KYAT3: variants seen among roughly 807,000 people sequenced by gnomAD.
KYAT3 encodes the protein kynurenine aminotransferase 3.
Under a neutral mutation model 59.0 loss-of-function variants are expected in KYAT3, and 50 were observed. The observed-to-expected ratio is 0.85, with a 90% CI of 0.68 to 1.07. KYAT3 has a LOEUF of 1.07. Among genes scored for constraint, KYAT3 ranks in the 50% least tolerant of loss-of-function variants. The probability of loss-of-function intolerance (pLI) is 0.00; values close to 1 mark genes in which losing one functional copy is unlikely to be tolerated. For missense variants in KYAT3, 497 were observed against 533.3 expected (o/e 0.93, Z 0.67); for synonymous variants, 148 against 177.0 (o/e 0.84, Z 1.30).
intron 13 of KYAT3, among the ~76,000 whole-genome samples, chr1:88,937,747 A>G (rs1485794434): frequency 2.6e-5 from 4 of 152,220 alleles, no homozygotes; most frequent in Admixed American, 6.5e-5. Context: ...AATGAAAAGG[A>G]TAGAGTATCA....
intron 2 of KYAT3, chr1:88,982,992 C>G: frequency 3.7e-6 from 6 of 1,613,422 alleles, no homozygotes; most frequent in Non-Finnish European, 5.1e-6. Context: ...CTGTAGGAAC[C>G]TCCACTTGGA....
chr1:88,980,326 C>T (rs959825261), intron 2 of KYAT3: 11 of 152,704 alleles, frequency 7.2e-5, no homozygotes, highest in Admixed American at 2.6e-4. Flanking sequence ...ATTTAAAAAG[C>T]TGCCAGAGTA....
rs1170364197 is a variant in KYAT3 at position 88,943,897 on chromosome 1, G to A, written c.1142-474C>T. On this transcript the variant is annotated intron_variant, in intron 11 of 13. Coordinates refer to ENST00000260508, the MANE Select transcript of KYAT3 (RefSeq NM_001008661.3). ...TCGTATTCCCAACCCCTAGGTCAGT[G>A]TCTAGCACATAAGTGACAAAAAGTA... Among the ~76,000 whole-genome samples, 3 of 152,134 alleles carry A rather than the reference G, an allele frequency of 2.0e-5. No homozygotes were observed. In the East Asian group the frequency reaches 5.8e-4, roughly 29 times the overall value.
At position 88,968,719 on chromosome 1, in the gene KYAT3, A is replaced by G. The variant is rs1676438964; in HGVS notation, c.254T>C (p.Leu85Ser). ...GCTATCGATTGCTGCAATCTTTGAT[A>G]ATTCTTCTTTTACATATGTAGGAGG... ...ISPPTYVKEELSKIAAIDSLN... is the reference protein window; with the variant it reads ...ISPPTYVKEESSKIAAIDSLN... Residue 85 changes from leucine (L) to serine (S), a missense_variant, in exon 4 of 14, where the codon TTA becomes TCA. Around this residue, in one of 2 missense-constraint regions of KYAT3, gnomAD observed 469 missense variants for 479.1 expected, o/e 0.98. Transcript: ENST00000260508. The G allele has an allele frequency of 6.2e-7, 1 of 1,600,894 alleles. No homozygotes were observed.
intron 2 of KYAT3, among the ~76,000 whole-genome samples, chr1:88,970,629 G>T (rs188752390): frequency 1.3e-5 from 2 of 152,216 alleles, no homozygotes; most frequent in African/African-American, 4.8e-5. Context: ...GCAAGCTAAG[G>T]CTGTAGTAGA....
At chr1:88,929,142 C>A in the KYAT3 span, among the ~76,000 whole-genome samples, 2 of 152,084 alleles carry the variant, frequency 1.3e-5, no homozygotes, top group African/African-American at 4.8e-5. Context: ...GGCAGTACCC[C>A]CTTAGACCCG....
intron 12 of KYAT3, 40 bp downstream of exon 12, chr1:88,943,310 T>A (rs185980058): frequency 7.9e-7 from 1 of 1,260,452 alleles, no homozygotes; most frequent in Admixed American, 2.0e-5. Context: ...AAATTAACTA[T>A]AAAATATAAC....
chr1:88,945,295 T>A lies in KYAT3; in HGVS notation c.1142-1872A>T, dbSNP rs193155736. ...CAAGGGAACTAAAGTCTTTCTTTAT[T>A]GACAGTAAGAGTTTAAATCAAATGT... On this transcript the variant is annotated intron_variant, in intron 11 of 13. Transcript: ENST00000260508. Among the ~76,000 whole-genome samples the A allele has an allele frequency of 3.4e-3, 513 of 152,366 alleles. 6 individuals are homozygous for A. Among genetic ancestry groups the A allele is most frequent in the Admixed American group, 0.011 (161 of 15,300 alleles).
intron 13 of KYAT3, among the ~76,000 whole-genome samples, chr1:88,936,799 A>T (rs954471526): frequency 6.6e-6 from 1 of 152,254 alleles, no homozygotes; most frequent in African/African-American, 2.4e-5. Flanking sequence ...AGGTGTAAGC[A>T]GAGAAAATCC....
chr1:88,974,417 G>T (rs993967680), intron 2 of KYAT3, among the ~76,000 whole-genome samples: 24 of 150,818 alleles, frequency 1.6e-4, no homozygotes, highest in Non-Finnish European at 2.9e-4. Flanking sequence ...CCTGTTGCTG[G>T]GCATGTTATT....
chr1:88,943,324 A>G, intron 12 of KYAT3, 26 bp downstream of exon 12: 1 of 1,327,032 alleles, frequency 7.5e-7, no homozygotes, highest in Non-Finnish European at 1.1e-6. Flanking sequence ...ATATAACAGA[A>G]TCTTGCAAAG....
At chr1:88,962,988 CTT>C (rs397956625) in intron 5 of KYAT3, among the ~76,000 whole-genome samples, 4 of 144,664 alleles carry the variant, frequency 2.8e-5, no homozygotes, top group Non-Finnish European at 1.5e-5. Context: ...TCCTCTCTCT[CTT>C]TTTTTTTTTT....
At chr1:88,963,120 T>C (rs1014150573) in intron 5 of KYAT3, among the ~76,000 whole-genome samples, 6 of 152,092 alleles carry the variant, frequency 3.9e-5, no homozygotes, top group African/African-American at 1.4e-4. Context: ...ATAAGGACAT[T>C]AGATAATTTC....
intron 11 of KYAT3, among the ~76,000 whole-genome samples, chr1:88,948,499 CAG>C (rs1675537408): frequency 6.6e-6 from 1 of 152,122 alleles, no homozygotes; most frequent in South Asian, 2.1e-4. Context: ...TTTTTGGAAA[CAG>C]AACTATTTAG....
chr1:88,942,338 C>T (rs764639853), intron 13 of KYAT3, among the ~76,000 whole-genome samples: 13 of 151,886 alleles, frequency 8.6e-5, no homozygotes, highest in Non-Finnish European at 1.8e-4. Context: ...CTTAAACATA[C>T]TTCAAATGTT....
intron 13 of KYAT3, among the ~76,000 whole-genome samples, chr1:88,937,022 C>A (rs1675063065): frequency 6.6e-6 from 1 of 152,176 alleles, no homozygotes. Context: ...GGTGATAGTG[C>A]TGGCTGGAAC....
chr1:88,955,718 A>G (rs1255443776), intron 8 of KYAT3, among the ~76,000 whole-genome samples: 5 of 152,146 alleles, frequency 3.3e-5, no homozygotes, highest in Admixed American at 6.5e-5. Flanking sequence ...ATCTCACACT[A>G]GCAATATCAG....
intron 2 of KYAT3, among the ~76,000 whole-genome samples, chr1:88,975,058 C>T (rs1019955289): frequency 2.0e-5 from 3 of 152,040 alleles, no homozygotes; most frequent in Non-Finnish European, 2.9e-5. Context: ...TCTTTGGGTC[C>T]GCACCACCTT....
chr1:88,926,006 C>T, the KYAT3 span, among the ~76,000 whole-genome samples: 2 of 152,130 alleles, frequency 1.3e-5, no homozygotes, highest in African/African-American at 4.8e-5. Context: ...AAATCCTTAA[C>T]CCAGGAACCC....
Sources: allele counts gnomAD v4.1 joint callset (sites outside exome capture counted in the v4.1 genomes callset), GRCh38; gene constraint gnomAD v4.1.1; regional missense constraint gnomAD v4.1.1; transcripts MANE v1.5; gene names NCBI Gene and HGNC (gene_info 2026-07-23, HGNC 2026-07-21).